ZFHX3: variants seen among roughly 807,000 people sequenced by gnomAD.
The protein encoded by ZFHX3 is zinc finger homeobox protein 3.
In ZFHX3, 42 loss-of-function variants were observed where a neutral mutation model predicts 279.1. The observed-to-expected ratio is 0.15, with a 90% CI of 0.12 to 0.19. The LOEUF is 0.19. Ranked by LOEUF, ZFHX3 falls within the 10% of genes least tolerant of loss-of-function variation. The probability of loss-of-function intolerance (pLI) is 1.00; values close to 1 mark genes in which losing one functional copy is unlikely to be tolerated. For synonymous variants in ZFHX3, 2,293 were observed against 1,957.8 expected, an observed-to-expected ratio of 1.17 and a Z score of -4.52; for missense variants, 4,981 against 4,754.0, an observed-to-expected ratio of 1.05 and a Z score of -1.40.
intron 1 of ZFHX3, among the ~76,000 whole-genome samples, chr16:73,851,736 A>T (rs1289292846): frequency 6.6e-6 from 1 of 152,164 alleles, no homozygotes; most frequent in Non-Finnish European, 1.5e-5. Context: ...ATACATACTA[A>T]ATTGATATAT....
intron 4 of ZFHX3, among the ~76,000 whole-genome samples, chr16:72,836,745 A>G (rs2037202293): frequency 6.6e-6 from 1 of 152,118 alleles, no homozygotes; most frequent in Non-Finnish European, 1.5e-5. Context: ...AGATCACAAG[A>G]GGAAGGGCCT....
At chr16:73,278,122 G>A (rs1478524838) in intron 4 of ZFHX3, among the ~76,000 whole-genome samples, 1 of 152,092 alleles carries the variant, frequency 6.6e-6, no homozygotes, top group Non-Finnish European at 1.5e-5. Flanking sequence ...TGTCCAAAAG[G>A]GAACATTTTT....
At chr16:73,809,798 C>T (rs917137446) in intron 1 of ZFHX3, 4 of 152,006 alleles carry the variant, frequency 2.6e-5, no homozygotes, top group African/African-American at 7.2e-5. Context: ...CAAAAAACTC[C>T]ATTACCTAAC....
At chr16:73,617,787 C>T (rs1461267844) in intron 2 of ZFHX3, among the ~76,000 whole-genome samples, 1 of 151,998 alleles carries the variant, frequency 6.6e-6, no homozygotes, top group African/African-American at 2.4e-5. Flanking sequence ...TTTAAAAAAT[C>T]TCACTCAAAT....
At chr16:73,180,919 G>A (rs1442358751) in intron 5 of ZFHX3, among the ~76,000 whole-genome samples, 22 of 152,076 alleles carry the variant, frequency 1.4e-4, no homozygotes, top group Admixed American at 1.2e-3. Context: ...CGCCTTGGCC[G>A]CCCAAAGTGC....
chr16:73,760,009 G>GTTTT (rs5817877), intron 1 of ZFHX3, among the ~76,000 whole-genome samples: 1,862 of 145,028 alleles, frequency 0.013, 21 homozygotes, highest in South Asian at 0.027. Flanking sequence ...TCCAGGAGCT[G>GTTTT]TTTTTTTTTA....
chr16:73,883,399 A>ATG (rs34914604), intron 1 of ZFHX3, among the ~76,000 whole-genome samples: 26,380 of 149,064 alleles, frequency 0.18, 2,409 homozygotes, highest in Middle Eastern at 0.3. Flanking sequence ...AGCCATATAT[A>ATG]TGTGTGTGTG....
chr16:72,913,927 C>T (rs931506614), intron 3 of ZFHX3, among the ~76,000 whole-genome samples: 1 of 152,078 alleles, frequency 6.6e-6, no homozygotes, highest in African/African-American at 2.4e-5. Flanking sequence ...AGATATTAGC[C>T]CATTTAATCC....
chr16:73,860,680 C>A (rs187620758), intron 1 of ZFHX3, among the ~76,000 whole-genome samples: 65 of 152,326 alleles, frequency 4.3e-4, no homozygotes, highest in African/African-American at 1.4e-3. Flanking sequence ...CTTCCTTCGG[C>A]CTGTTTTATA....
intron 4 of ZFHX3, among the ~76,000 whole-genome samples, chr16:72,835,800 G>C (rs2037177908): frequency 6.6e-6 from 1 of 152,116 alleles, no homozygotes; most frequent in South Asian, 2.1e-4. Flanking sequence ...CCAATCACTT[G>C]TCTTCTTTAA....
chr16:73,855,020 C>T (rs1961687954), intron 1 of ZFHX3, among the ~76,000 whole-genome samples: 1 of 152,204 alleles, frequency 6.6e-6, no homozygotes, highest in South Asian at 2.1e-4. Flanking sequence ...AATCCCCAAG[C>T]CAGTATTTTT....
intron 2 of ZFHX3, chr16:73,679,392 T>C (rs2052987607): frequency 1.3e-5 from 2 of 152,212 alleles, no homozygotes. Flanking sequence ...GGAATGCTCC[T>C]AGGATTAAAA....
intron 8 of ZFHX3, among the ~76,000 whole-genome samples, chr16:73,069,235 C>T (rs984857792): frequency 2.0e-5 from 3 of 152,300 alleles, no homozygotes; most frequent in East Asian, 1.9e-4. Flanking sequence ...ATTTTGTTAA[C>T]AGAGAGGGGT....
At chr16:73,507,027 C>T (rs1020972145) in intron 2 of ZFHX3, among the ~76,000 whole-genome samples, 4 of 152,200 alleles carry the variant, frequency 2.6e-5, no homozygotes, top group East Asian at 3.9e-4. Flanking sequence ...CGTCTTCCTT[C>T]GCACAACCTC....
chr16:73,102,665 AAC>A (rs1037784213), intron 7 of ZFHX3, among the ~76,000 whole-genome samples: 30 of 150,472 alleles, frequency 2.0e-4, no homozygotes, highest in African/African-American at 7.3e-4. Flanking sequence ...ATTTGAAAAA[AAC>A]ACACAAAAAA....
intron 4 of ZFHX3, among the ~76,000 whole-genome samples, chr16:72,874,302 G>A (rs577793901): frequency 6.7e-6 from 1 of 148,758 alleles, no homozygotes; most frequent in South Asian, 2.1e-4. Context: ...CGCCTCCCGG[G>A]TTCACGCCAT....
At chr16:73,278,687 G>A (rs1446640677) in intron 4 of ZFHX3, among the ~76,000 whole-genome samples, 2 of 152,090 alleles carry the variant, frequency 1.3e-5, no homozygotes, top group East Asian at 1.9e-4. Context: ...CCTGCTATTG[G>A]TTACTTTTGG....
chr16:73,334,892 T>C lies in ZFHX3; in HGVS notation c.-1290-16556A>G, dbSNP rs372281414. ...CGTAAGAACTTTCTTTGTTCCACCC[T>C]AATGTTGATGGCTTGTTTTGTTCTT... On this transcript the variant is annotated intron_variant, in intron 3 of 17. Transcript: ENST00000641206. Among the ~76,000 whole-genome samples, 182 of 130,412 alleles carry C rather than the reference T, an allele frequency of 1.4e-3. 3 individuals carry two copies. The South Asian group carries it at 0.045, about 33-fold the overall frequency. 85.6% of individuals were successfully genotyped at this position (130,412 alleles called of 152,430 possible).
intron 7 of ZFHX3, among the ~76,000 whole-genome samples, chr16:73,125,888 T>C (rs543118361): frequency 6.6e-6 from 1 of 152,226 alleles, no homozygotes; most frequent in South Asian, 2.1e-4. Flanking sequence ...TACCGTACCA[T>C]TATTATCCCA....
Sources: gnomAD v4.1 joint callset for allele counts (sites outside exome capture counted in the v4.1 genomes callset) on GRCh38, gnomAD v4.1.1 for gene constraint, MANE v1.5 for transcripts, NCBI Gene and HGNC (gene_info 2026-07-23, HGNC 2026-07-21) for gene names.